Variants in GALNT13 observed in about 807,000 individuals in gnomAD.
The protein encoded by GALNT13 is polypeptide N-acetylgalactosaminyltransferase 13.
In GALNT13, 28 loss-of-function variants were observed where a neutral mutation model predicts 64.2. The observed-to-expected ratio is 0.44, with a 90% confidence interval of 0.32 to 0.60. The LOEUF (loss-of-function observed/expected upper bound fraction) is 0.60. Among genes scored for constraint, GALNT13 ranks in the 20% least tolerant of loss-of-function variants. GALNT13 has a pLI of 0.05. For missense variants in GALNT13, 577 were observed against 669.8 expected (o/e 0.86, Z 1.53); for synonymous variants, 214 against 224.6 (o/e 0.95, Z 0.42).
At chr2:153,149,060 T>C in the GALNT13 span, among the ~76,000 whole-genome samples, 107 of 151,970 alleles carry the variant, frequency 7.0e-4, no homozygotes, top group Non-Finnish European at 1.3e-3. Context: ...ATGTGGGACA[T>C]GAAATCTTCA....
At chr2:153,956,127 A>G (rs1381948978) in intron 3 of GALNT13, among the ~76,000 whole-genome samples, 3 of 152,244 alleles carry the variant, frequency 2.0e-5, no homozygotes, top group Admixed American at 6.5e-5. Flanking sequence ...GAGGAACACC[A>G]ATAGCATAGA....
chr2:154,341,277 G>A (rs1322042915), intron 9 of GALNT13, among the ~76,000 whole-genome samples: 5 of 152,126 alleles, frequency 3.3e-5, no homozygotes, highest in African/African-American at 4.8e-5. Context: ...CTACTAGAGA[G>A]AGCCATAGTG....
At chr2:153,192,804 G>A in the GALNT13 span, among the ~76,000 whole-genome samples, 100 of 151,888 alleles carry the variant, frequency 6.6e-4, no homozygotes, top group Non-Finnish European at 1.2e-3. Flanking sequence ...TTTAATGTAA[G>A]TATAGCTACT....
rs896884119 is a variant in GALNT13, at chr2:154,301,349, C to T, written c.976-60C>T. 2.9e-6 allele frequency: 4 copies of T among 1,375,144 alleles called. No homozygotes were observed. In the African/African-American group the frequency reaches 5.7e-5, roughly 20 times the overall value. 85.2% of individuals were successfully genotyped at this position (1,375,144 alleles called of 1,614,324 possible). On this transcript the variant is annotated intron_variant, in intron 8 of 12. Coordinates refer to ENST00000392825, the MANE Select transcript of GALNT13 (RefSeq NM_052917.4). ...AAATACGAAGATTTGGCCTAAGCTT[C>T]AGTTGCTTCATCTCATACAATATTA...
chr2:153,836,121 A>G, the GALNT13 span, among the ~76,000 whole-genome samples: 7 of 152,088 alleles, frequency 4.6e-5, no homozygotes, highest in East Asian at 3.8e-4. Context: ...AAAAGATGCA[A>G]TCTCAGCTAT....
the GALNT13 span, among the ~76,000 whole-genome samples, chr2:153,087,495 T>C: frequency 5.9e-5 from 9 of 152,256 alleles, no homozygotes; most frequent in East Asian, 1.4e-3. Flanking sequence ...GGCTTCATAG[T>C]ATGATTTAGG....
chr2:153,338,002 T>C, the GALNT13 span, among the ~76,000 whole-genome samples: 1 of 152,344 alleles, frequency 6.6e-6, no homozygotes, highest in South Asian at 2.1e-4. Context: ...TCATACCGTA[T>C]AATCATTATC....
intron 3 of GALNT13, among the ~76,000 whole-genome samples, chr2:154,119,064 T>C (rs1168258576): frequency 1.3e-5 from 2 of 152,142 alleles, no homozygotes; most frequent in Non-Finnish European, 1.5e-5. Context: ...TTGTATGTTA[T>C]TGTTGCAATT....
At chr2:154,338,437 C>T (rs376130891) in intron 9 of GALNT13, among the ~76,000 whole-genome samples, 1 of 151,880 alleles carries the variant, frequency 6.6e-6, no homozygotes, top group African/African-American at 2.4e-5. Flanking sequence ...TGTTTTAAGG[C>T]TACCTAAGAT....
the GALNT13 span, among the ~76,000 whole-genome samples, chr2:153,420,477 AATTTT>A: frequency 5.5e-4 from 84 of 152,322 alleles, no homozygotes; most frequent in Non-Finnish European, 7.5e-4. Flanking sequence ...TGTATATGGA[AATTTT>A]ATTTTATTTT....
intron 4 of GALNT13, among the ~76,000 whole-genome samples, chr2:154,226,996 T>C (rs963197588): frequency 1.3e-5 from 2 of 152,252 alleles, no homozygotes; most frequent in East Asian, 1.9e-4. Context: ...ACGCTCCTCA[T>C]TGACCCTGCT....
At chr2:153,640,395 C>T in the GALNT13 span, among the ~76,000 whole-genome samples, 1 of 152,114 alleles carries the variant, frequency 6.6e-6, no homozygotes, top group Non-Finnish European at 1.5e-5. Flanking sequence ...GGAATTACAA[C>T]TGAGCTCAAA....
the GALNT13 span, among the ~76,000 whole-genome samples, chr2:153,609,096 G>T: frequency 3.3e-5 from 5 of 151,098 alleles, no homozygotes; most frequent in Non-Finnish European, 7.4e-5. Context: ...TTTTTTGTTT[G>T]TTTGTTTGTT....
chr2:154,436,378 G>T (rs1051449577), intron 11 of GALNT13: 1 of 152,156 alleles, frequency 6.6e-6, no homozygotes, highest in Non-Finnish European at 1.5e-5. Context: ...AACAGGTACT[G>T]TTTCCAAACT....
chr2:153,825,007 A>T, the GALNT13 span, among the ~76,000 whole-genome samples: 1 of 152,204 alleles, frequency 6.6e-6, no homozygotes, highest in Non-Finnish European at 1.5e-5. Context: ...TCTTTTCTTT[A>T]TAAACTACCC....
intron 3 of GALNT13, among the ~76,000 whole-genome samples, chr2:154,065,260 T>C (rs1336069509): frequency 1.3e-5 from 2 of 152,012 alleles, no homozygotes; most frequent in African/African-American, 4.8e-5. Context: ...CAGACCCTGG[T>C]TTCTGGATGG....
At chr2:154,445,925 A>T (rs899094577) in intron 12 of GALNT13, 3 of 611,236 alleles carry the variant, frequency 4.9e-6, no homozygotes, top group Admixed American at 2.5e-5. Context: ...ACAGACAGAT[A>T]AATTAATTAA....
the GALNT13 span, among the ~76,000 whole-genome samples, chr2:153,719,894 G>T: frequency 2.4e-4 from 36 of 152,188 alleles, 1 homozygote; most frequent in African/African-American, 7.5e-4. Context: ...AGGGGCTCCC[G>T]CCATTGCCCA....
At chr2:153,628,345 C>T in the GALNT13 span, among the ~76,000 whole-genome samples, 16 of 152,192 alleles carry the variant, frequency 1.1e-4, no homozygotes, top group Middle Eastern at 3.4e-3. Context: ...ATTTCCTTCT[C>T]CTGCCGAATT....
Sources: allele counts gnomAD v4.1 joint callset (sites outside exome capture counted in the v4.1 genomes callset), GRCh38; gene constraint gnomAD v4.1.1; transcripts MANE v1.5; gene names NCBI Gene and HGNC (gene_info 2026-07-23, HGNC 2026-07-21).